RASA3: variants seen among roughly 807,000 people sequenced by gnomAD.
RASA3 encodes the protein RAS p21 protein activator 3, also known as ras GTPase-activating protein 3.
A neutral mutation model predicts 110.0 loss-of-function variants in RASA3; 73 were observed. The ratio of observed to expected loss-of-function variants is 0.66; its 90% CI spans 0.55 to 0.81. The LOEUF is 0.81. Among genes scored for constraint, RASA3 ranks in the 30% least tolerant of loss-of-function variants. RASA3 has a pLI of 0.00. For missense variants in RASA3, 976 were observed against 1,113.2 expected, an observed-to-expected ratio of 0.88 and a Z score of 1.75; for synonymous variants, 500 against 451.4, an observed-to-expected ratio of 1.11 and a Z score of -1.37.
At chr13:114,037,509 G>A (rs1020767321) in intron 4 of RASA3, among the ~76,000 whole-genome samples, 4 of 152,122 alleles carry the variant, frequency 2.6e-5, no homozygotes, top group East Asian at 1.9e-4. Flanking sequence ...GGACGGGAGC[G>A]TGTGAATAAA....
chr13:114,017,396 G>C (rs577037752), intron 11 of RASA3, 45 bp from the exon 12 acceptor site: 2 of 1,517,048 alleles, frequency 1.3e-6, no homozygotes, highest in South Asian at 2.2e-5. Flanking sequence ...TGGGGACGCG[G>C]AAGTGCAGAC....
intron 19 of RASA3, among the ~76,000 whole-genome samples, chr13:114,000,376 C>T (rs879579375): frequency 1.3e-5 from 2 of 152,118 alleles, no homozygotes; most frequent in Admixed American, 6.5e-5. Flanking sequence ...GCTCTGTCCC[C>T]AGAACATGTT....
chr13:114,072,604 C>T (rs979108387), intron 2 of RASA3, among the ~76,000 whole-genome samples: 6 of 152,194 alleles, frequency 3.9e-5, no homozygotes, highest in African/African-American at 7.2e-5. Flanking sequence ...AAAAAGCACT[C>T]GTGCGAGTCC....
In RASA3 at chr13:114,096,330, G is replaced by A. The variant is rs573192264; in HGVS notation, c.56-22493C>T. ...CGACCCATGCCTCCTCTAGCAAATC[G>A]CCTCTCTCACAGTCACCTCAACAGC... is the stretch of plus-strand genomic sequence containing the variant. On this transcript the variant is annotated intron_variant, in intron 1 of 23. Coordinates refer to ENST00000334062, the MANE Select transcript of RASA3 (RefSeq NM_007368.4). This position sits in a 1 kb window ranked among gnomAD's most constrained non-coding sequence, Gnocchi z 5.1. Among the ~76,000 whole-genome samples the A allele has an allele frequency of 6.6e-6, 1 of 152,152 alleles. No homozygotes were observed. Among genetic ancestry groups the A allele is most frequent in the African/African-American group, 2.4e-5 (1 of 41,438 alleles).
At chr13:114,027,969 C>T in intron 5 of RASA3, 42 bp from the exon 6 acceptor site, 2 of 1,537,202 alleles carry the variant, frequency 1.3e-6, no homozygotes, top group East Asian at 2.3e-5. Flanking sequence ...GGAGCGCAGA[C>T]ACCTGGGCGA....
At chr13:113,981,216 A>T (rs528604076) in intron 23 of RASA3, among the ~76,000 whole-genome samples, 60 of 152,296 alleles carry the variant, frequency 3.9e-4, no homozygotes, top group Non-Finnish European at 4.3e-4. Context: ...GCTGGTGACT[A>T]AGCTGAACGT....
At chr13:114,078,671 C>T (rs1028560658) in intron 1 of RASA3, among the ~76,000 whole-genome samples, 1 of 152,236 alleles carries the variant, frequency 6.6e-6, no homozygotes, top group Admixed American at 6.5e-5. Flanking sequence ...TTTCCAACTC[C>T]AGGGATCAGG....
At chr13:114,047,281 C>T (rs1446118345) in intron 3 of RASA3, among the ~76,000 whole-genome samples, 1 of 152,174 alleles carries the variant, frequency 6.6e-6, no homozygotes, top group African/African-American at 2.4e-5. Flanking sequence ...ATGGAGCTGT[C>T]ACTAAGCCCA....
chr13:114,076,218 A>G (rs1048171696), intron 1 of RASA3, among the ~76,000 whole-genome samples: 1 of 152,204 alleles, frequency 6.6e-6, no homozygotes, highest in African/African-American at 2.4e-5. Context: ...CCTCTAATTC[A>G]AAAGGTTCTG....
At chr13:114,040,150 CA>C (rs1050363449) in intron 4 of RASA3, among the ~76,000 whole-genome samples, 4 of 152,250 alleles carry the variant, frequency 2.6e-5, no homozygotes, top group Non-Finnish European at 5.9e-5. Flanking sequence ...CGGCAGTAGG[CA>C]AAGGGAAAAC....
In RASA3 at chr13:114,018,916, G is replaced by T. The variant is rs1216209111; in HGVS notation, c.789C>A (p.Tyr263Ter). ...LRQSSSYEAWYFLQPRDNGSK... is the reference protein window; with the variant it reads ...LRQSSSYEAW ...TACCATTGTCCCGGGGCTGGAGGAA[G>T]TACCTGGGTGGGAGGGACACATGGA... Residue 263 changes from tyrosine (Y) to a stop codon, truncating the protein, a stop_gained, in exon 10 of 24, where the codon TAC (tyrosine) becomes TAA (stop). Transcript: ENST00000334062. LOFTEE classifies it high-confidence loss of function. 1 of 1,613,658 alleles carries T rather than the reference G, an allele frequency of 6.2e-7. No homozygotes were observed.
At chr13:114,016,955 A>G (rs1400366890) in intron 12 of RASA3, among the ~76,000 whole-genome samples, 1 of 152,330 alleles carries the variant, frequency 6.6e-6, no homozygotes, top group African/African-American at 2.4e-5. Flanking sequence ...TGGAGAAAGA[A>G]GGTCTCCCTG....
intron 17 of RASA3, among the ~76,000 whole-genome samples, chr13:114,008,366 C>G (rs1329187375): frequency 2.6e-5 from 1 of 39,214 alleles, no homozygotes; most frequent in Non-Finnish European, 4.3e-5. Flanking sequence ...CAGAGCCCTG[C>G]GGTCTGGACG....
At chr13:114,132,403 G>A (rs372096000) in intron 1 of RASA3, 32 bp downstream of exon 1, 20 of 1,501,842 alleles carry the variant, frequency 1.3e-5, no homozygotes, top group Non-Finnish European at 1.8e-5. Flanking sequence ...CGGGCCGGGG[G>A]GTCGGACGCG....
chr13:114,077,359 C>G (rs917494416), intron 1 of RASA3, among the ~76,000 whole-genome samples: 1 of 149,680 alleles, frequency 6.7e-6, no homozygotes, highest in Admixed American at 6.6e-5. Flanking sequence ...CCCTGCCTGA[C>G]GATGCCCAGT....
At chr13:114,083,088 A>T (rs2079808318) in intron 1 of RASA3, among the ~76,000 whole-genome samples, 2 of 152,310 alleles carry the variant, frequency 1.3e-5, no homozygotes, top group South Asian at 4.1e-4. Context: ...ACTCATACAA[A>T]TTATATTAAG....
intron 1 of RASA3, among the ~76,000 whole-genome samples, chr13:114,090,470 G>A (rs1255413247): frequency 6.6e-6 from 1 of 152,202 alleles, no homozygotes; most frequent in African/African-American, 2.4e-5. Flanking sequence ...CTGAAGAGAA[G>A]GGACCGAGGC....
At chr13:114,103,577 TGCCACA>T (rs1451687827) in intron 1 of RASA3, among the ~76,000 whole-genome samples, 2 of 30,198 alleles carry the variant, frequency 6.6e-5, no homozygotes, top group African/African-American at 1.2e-4. Context: ...GCGTCCATGC[TGCCACA>T]GCCACGGACA....
intron 4 of RASA3, among the ~76,000 whole-genome samples, chr13:114,032,313 T>C (rs892754377): frequency 6.6e-6 from 1 of 152,122 alleles, no homozygotes; most frequent in African/African-American, 2.4e-5. Flanking sequence ...CTGATCTCAA[T>C]TGTTTGGACA....
Sources: allele counts gnomAD v4.1 joint callset (sites outside exome capture counted in the v4.1 genomes callset), GRCh38; gene constraint gnomAD v4.1.1; non-coding constraint Gnocchi (gnomAD v3.1); transcripts MANE v1.5; gene names NCBI Gene and HGNC (gene_info 2026-07-23, HGNC 2026-07-21).